Variants in ARNT2 observed in about 807,000 individuals in gnomAD.
ARNT2 encodes the protein ARNT protein 2.
A neutral mutation model predicts 91.7 loss-of-function variants in ARNT2; 36 were observed. The ratio of observed to expected loss-of-function variants is 0.39; its 90% confidence interval spans 0.30 to 0.52. The LOEUF (loss-of-function observed/expected upper bound fraction) is 0.52. ARNT2 is among the 20% of genes least tolerant of loss of function. ARNT2 has a pLI of 0.72. For missense variants in ARNT2, 775 were observed against 939.3 expected, an observed-to-expected ratio of 0.83 and a Z score of 2.29; for synonymous variants, 365 against 347.1, an observed-to-expected ratio of 1.05 and a Z score of -0.57.
chr15:80,442,784 C>T (rs1176979290), intron 1 of ARNT2: 2 of 931,904 alleles, frequency 2.1e-6, no homozygotes, highest in African/African-American at 3.6e-5. Flanking sequence ...AAATATGCAA[C>T]TGGCCCAATC....
intron 1 of ARNT2, among the ~76,000 whole-genome samples, chr15:80,439,128 A>C (rs1896145113): frequency 6.6e-6 from 1 of 152,168 alleles, no homozygotes; most frequent in South Asian, 2.1e-4. Context: ...TTTATACACC[A>C]TCTGACTGGG....
intron 1 of ARNT2, among the ~76,000 whole-genome samples, chr15:80,427,524 A>G (rs140090808): frequency 9.5e-4 from 145 of 152,260 alleles, no homozygotes; most frequent in African/African-American, 3.3e-3. Flanking sequence ...CACGGACTTG[A>G]GGTTGCCAAA....
intron 5 of ARNT2, among the ~76,000 whole-genome samples, chr15:80,496,040 G>C (rs1453867846): frequency 2.0e-5 from 3 of 152,170 alleles, no homozygotes; most frequent in Non-Finnish European, 4.4e-5. Flanking sequence ...ATGGTGTCTT[G>C]CTTCCCCTAC....
At chr15:80,556,572 G>A (rs1898193710) in intron 11 of ARNT2, 1 of 152,626 alleles carries the variant, frequency 6.6e-6, no homozygotes, top group South Asian at 2.1e-4. Flanking sequence ...TGAAGAGAGA[G>A]AGGGATTTAG....
chr15:80,527,879 G>A (rs1446003540), intron 8 of ARNT2, among the ~76,000 whole-genome samples: 1 of 152,218 alleles, frequency 6.6e-6, no homozygotes, highest in African/African-American at 2.4e-5. Flanking sequence ...CAGGGAGATA[G>A]CATCAGATCT....
chr15:80,465,487 C>T (rs75915574), intron 3 of ARNT2, among the ~76,000 whole-genome samples: 2,933 of 152,294 alleles, frequency 0.019, 112 homozygotes, highest in East Asian at 0.15. Context: ...GTGCCATCTG[C>T]AGCAGGGCTG....
At position 80,507,667 on chromosome 15, in the gene ARNT2, C is replaced by G. The variant is rs144793285; in HGVS notation, c.623-489C>G. On this transcript the variant is annotated intron_variant, in intron 5 of 18. Transcript: ENST00000303329. ...GAAGAGAAGAAGGCTGAGGTTGGAG[C>G]CTCCAGGGAGAAAGGAGCAGAGAGG... Among the ~76,000 whole-genome samples, 6 of 152,234 alleles carry G rather than the reference C, an allele frequency of 3.9e-5. No individual in the cohort carries two copies. The East Asian group carries it at 1.2e-3, about 29-fold the overall frequency.
intron 1 of ARNT2, among the ~76,000 whole-genome samples, chr15:80,429,680 G>A (rs1895982423): frequency 1.3e-5 from 2 of 152,230 alleles, no homozygotes; most frequent in Admixed American, 6.5e-5. Flanking sequence ...ATTGGCATCT[G>A]AAGTGGGGCA....
At position 80,481,375 on chromosome 15, in the gene ARNT2, C is replaced by T. The variant is rs564959229; in HGVS notation, c.622+6152C>T. On this transcript the variant is annotated intron_variant, in intron 5 of 18. Coordinates refer to ENST00000303329, the MANE Select transcript of ARNT2 (RefSeq NM_014862.4). Reference sequence around the variant, plus strand: ...GAGTCTCCCTGCCTGGGAGAGAGGACGTCTGTGGGACACTCGGTGCATGTT... The same window carrying T: ...GAGTCTCCCTGCCTGGGAGAGAGGATGTCTGTGGGACACTCGGTGCATGTT... Among the ~76,000 whole-genome samples, 8 of 152,256 alleles carry T rather than the reference C, an allele frequency of 5.3e-5. 1 individual carries two copies. In the South Asian group the frequency reaches 6.2e-4, roughly 12 times the overall value.
chr15:80,419,860 C>T (rs1349489578), intron 1 of ARNT2, among the ~76,000 whole-genome samples: 3 of 152,178 alleles, frequency 2.0e-5, no homozygotes, highest in African/African-American at 7.2e-5. Context: ...CAGCCTTAAA[C>T]AGCAGGGCAT....
At position 80,404,536 on chromosome 15, in the gene ARNT2, CA is replaced by C; in HGVS notation, c.23del (p.Asn8ThrfsTer13). 8.2e-7 allele frequency: 1 copy of C among 1,212,654 alleles called. No individual in the cohort carries two copies. The highest frequency in any genetic ancestry group is 1.0e-6 in the Non-Finnish European group (1 of 956,856). 75.1% of individuals were successfully genotyped at this position (1,212,654 alleles called of 1,614,324 possible). On this transcript the variant is annotated frameshift_variant, in exon 1 of 19. Coordinates refer to ENST00000303329, the MANE Select transcript of ARNT2 (RefSeq NM_014862.4). LOFTEE classifies it high-confidence loss of function. This position sits in a 1 kb window ranked among gnomAD's most constrained non-coding sequence, Gnocchi z 5.5. ...GCAAGATGGCAACCCCGGCGGCGGT[CA>C]ACCCTCCGGGTGAGTAGCGGCCTGG... is the stretch of plus-strand genomic sequence containing the variant. MATPAAV[N>X]PPEMASDIPG... is the part of the protein sequence containing the mutation.
chr15:80,519,987 C>T (rs1298731495), intron 8 of ARNT2, among the ~76,000 whole-genome samples: 8 of 149,162 alleles, frequency 5.4e-5, no homozygotes, highest in South Asian at 2.1e-4. Context: ...TGTGAGCCAC[C>T]GTGCCTGGCC....
intron 1 of ARNT2, among the ~76,000 whole-genome samples, chr15:80,417,755 C>T (rs979357271): frequency 2.6e-5 from 4 of 152,006 alleles, no homozygotes; most frequent in Non-Finnish European, 5.9e-5. Context: ...CACTAGGAGA[C>T]AGTATAGACA....
In ARNT2 at chr15:80,591,672, C is replaced by A; in HGVS notation, c.2023C>A (p.His675Asn). 1 of 1,614,106 alleles carries A rather than the reference C, an allele frequency of 6.2e-7. No individual in the cohort carries two copies. ...HGQQSGEQHS[H>N]QQPGQTEVFQ... ...CCAGCAGAGCGGTGAGCAGCACTCCCACCAGCAGCCCGGTCAGACTGAAGT... is the reference window on the plus strand; with the variant it reads ...CCAGCAGAGCGGTGAGCAGCACTCCAACCAGCAGCCCGGTCAGACTGAAGT... The change falls in exon 18 of 19, where the codon CAC becomes AAC. Residue 675 changes from histidine (H) to asparagine (N), a missense_variant. Around this residue, in one of 5 missense-constraint regions of ARNT2, gnomAD observed 325 missense variants for 359.9 expected, o/e 0.90. Transcript: ENST00000303329. This position sits in a 1 kb window ranked among gnomAD's most constrained non-coding sequence, Gnocchi z 5.1.
intron 8 of ARNT2, among the ~76,000 whole-genome samples, chr15:80,527,697 G>C (rs996281919): frequency 2.6e-5 from 4 of 152,208 alleles, no homozygotes. Flanking sequence ...ATGAGGATTG[G>C]AATAGTGAAG....
intron 3 of ARNT2, among the ~76,000 whole-genome samples, chr15:80,463,479 G>A (rs1205809862): frequency 1.3e-5 from 2 of 152,114 alleles, no homozygotes; most frequent in East Asian, 3.9e-4. Context: ...AGTGGGTTAG[G>A]GTTAGGGTTA....
chr15:80,519,771 T>C (rs918368611), intron 8 of ARNT2, among the ~76,000 whole-genome samples: 19 of 149,778 alleles, frequency 1.3e-4, no homozygotes, highest in African/African-American at 4.4e-4. Flanking sequence ...CTGCAAGCTC[T>C]GCCTCCTGGG....
Position 80,580,418 on chromosome 15 carries a change from G to C in ARNT2, c.1621G>C (p.Val541Leu). 1 of 1,614,168 alleles carries C rather than the reference G, an allele frequency of 6.2e-7. No homozygotes were observed. The highest frequency in any genetic ancestry group is 8.5e-7 in the Non-Finnish European group (1 of 1,180,036). The change falls in exon 16 of 19, where the codon GTG becomes CTG. Residue 541 changes from valine to leucine, a missense_variant. By Grantham distance (32) the Val-to-Leu change is conservative. Transcript: ENST00000303329. The part of the protein sequence containing the change: ...GHSGKAFSSS[V>L]VHVPGVNDIQ... Reference sequence around the variant, plus strand: ...CATTTTCCTCTTTTCTAGCTCTTCAGTGGTTCATGTGCCTGGAGTGAATGA... The same window carrying C: ...CATTTTCCTCTTTTCTAGCTCTTCACTGGTTCATGTGCCTGGAGTGAATGA...
In ARNT2 at chr15:80,580,531, T is replaced by C. The variant is rs555515967; in HGVS notation, c.1734T>C (p.Arg578=). Residue 578 remains arginine, a synonymous_variant, in exon 16 of 19, where the codon CGT becomes CGC. Coordinates refer to ENST00000303329, the MANE Select transcript of ARNT2 (RefSeq NM_014862.4). ...NQSQVAWTGS[R]PPFPGQQIPS... is the part of the protein sequence containing the mutation. ...GTCAGGTGGCATGGACAGGGAGTCG[T>C]CCGCCCTTTCCGGGACAGGTATGGG... The C allele has an allele frequency of 3.7e-6, 6 of 1,614,050 alleles. No homozygotes were observed. Among genetic ancestry groups the C allele is most frequent in the African/African-American group, 1.3e-5 (1 of 75,038 alleles).
Sources: gnomAD v4.1 joint callset for allele counts (sites outside exome capture counted in the v4.1 genomes callset) on GRCh38, gnomAD v4.1.1 for gene constraint, gnomAD v4.1.1 regional missense constraint, Gnocchi (gnomAD v3.1) non-coding constraint, MANE v1.5 for transcripts, NCBI Gene and HGNC (gene_info 2026-07-23, HGNC 2026-07-21) for gene names.